KCNMA1: variants seen among roughly 807,000 people sequenced by gnomAD.
The protein encoded by KCNMA1 is potassium calcium-activated channel subfamily M alpha 1, also known as Calcium-activated potassium channel subunit alpha-1.
KCNMA1 carries 29 observed loss-of-function variants against 140.0 expected under a neutral mutation model. That is an observed-to-expected ratio of 0.21 (90% CI 0.15 to 0.28). KCNMA1 has a LOEUF of 0.28. Ranked by LOEUF, KCNMA1 falls within the 10% of genes least tolerant of loss-of-function variation. The pLI is 1.00. For missense variants in KCNMA1, 880 were observed against 1,602.2 expected, an observed-to-expected ratio of 0.55 and a Z score of 7.70; for synonymous variants, 612 against 611.9, an observed-to-expected ratio of 1.00 and a Z score of 0.00.
chr10:77,513,177 G>T (rs914189982), intron 1 of KCNMA1, among the ~76,000 whole-genome samples: 1 of 146,974 alleles, frequency 6.8e-6, no homozygotes, highest in African/African-American at 2.6e-5. Flanking sequence ...TCAGAGTGGC[G>T]TTTTTGCTGT....
intron 2 of KCNMA1, among the ~76,000 whole-genome samples, chr10:77,279,748 G>T (rs1197654715): frequency 6.6e-6 from 1 of 152,070 alleles, no homozygotes; most frequent in Non-Finnish European, 1.5e-5. Context: ...AAATCATGGG[G>T]CAGGTCTTTC....
intron 1 of KCNMA1, among the ~76,000 whole-genome samples, chr10:77,481,117 CAA>C (rs200776955): frequency 3.2e-4 from 42 of 132,062 alleles, no homozygotes; most frequent in South Asian, 4.7e-4. Flanking sequence ...GACTCCATCT[CAA>C]AAAAAAAAAA....
intron 2 of KCNMA1, among the ~76,000 whole-genome samples, chr10:77,276,794 A>C (rs2066809771): frequency 6.6e-6 from 1 of 152,172 alleles, no homozygotes; most frequent in East Asian, 1.9e-4. Flanking sequence ...ATAAATGAAT[A>C]ATACTATAAA....
intron 1 of KCNMA1, among the ~76,000 whole-genome samples, chr10:77,444,430 T>C (rs990638086): frequency 6.6e-6 from 1 of 152,212 alleles, no homozygotes; most frequent in African/African-American, 2.4e-5. Flanking sequence ...CCAGATGAAG[T>C]ACGGTGTAGG....
chr10:77,485,571 C>T (rs2098450808), intron 1 of KCNMA1, among the ~76,000 whole-genome samples: 1 of 152,224 alleles, frequency 6.6e-6, no homozygotes, highest in Non-Finnish European at 1.5e-5. Flanking sequence ...GTAAGGATGG[C>T]TCAGCCAAAG....
chr10:77,368,576 G>A (rs2094500842), intron 2 of KCNMA1, among the ~76,000 whole-genome samples: 1 of 152,024 alleles, frequency 6.6e-6, no homozygotes, highest in Non-Finnish European at 1.5e-5. Flanking sequence ...TTTCTTTTGT[G>A]AATCATCTTT....
At chr10:77,440,787 A>G (rs2097379376) in intron 1 of KCNMA1, among the ~76,000 whole-genome samples, 1 of 152,148 alleles carries the variant, frequency 6.6e-6, no homozygotes, top group Non-Finnish European at 1.5e-5. Context: ...TAGGGCAGAA[A>G]GCATTCCAGC....
At chr10:77,546,221 T>C (rs970039169) in intron 1 of KCNMA1, among the ~76,000 whole-genome samples, 2 of 152,150 alleles carry the variant, frequency 1.3e-5, no homozygotes, top group African/African-American at 4.8e-5. Context: ...ACTTTCTGCA[T>C]AAGTGAGAGA....
chr10:77,225,422 C>T (rs1031380278), intron 3 of KCNMA1, among the ~76,000 whole-genome samples: 2 of 152,128 alleles, frequency 1.3e-5, no homozygotes, highest in Non-Finnish European at 2.9e-5. Context: ...TCTCCACCTG[C>T]CCCAGGGGAC....
chr10:77,001,652 G>T, intron 18 of KCNMA1, 72 bp from the exon 19 acceptor site: 1 of 1,292,554 alleles, frequency 7.7e-7, no homozygotes, highest in Non-Finnish European at 1.1e-6. Context: ...CAGCAAGGCA[G>T]CTGGAAGGGA....
Position 77,493,710 on chromosome 10 carries a change from C to T in KCNMA1, c.379-89687G>A, listed in dbSNP as rs149334424. ...AGCCGTGCAGCTGCAGGGAAGAGAG[C>T]ATCTCTTTCCCCAGTGGCTCATGGT... On this transcript the variant is annotated intron_variant, in intron 1 of 27. Coordinates refer to ENST00000286628, the MANE Select transcript of KCNMA1 (RefSeq NM_001161352.2). 3.9e-5 allele frequency: 6 copies of T among 152,330 alleles called. No individual in the cohort carries two copies. The East Asian group carries it at 1.2e-3, about 29-fold the overall frequency. The allele number at this position is 152,330 out of a possible 1,614,324, so 9.4% of individuals were successfully genotyped here.
chr10:77,310,088 T>TG (rs1041500084), intron 2 of KCNMA1, among the ~76,000 whole-genome samples: 7 of 152,118 alleles, frequency 4.6e-5, no homozygotes, highest in African/African-American at 1.7e-4. Context: ...ATTGAAGGCA[T>TG]GGGGGGACAT....
chr10:76,876,728 G>A (rs1217283134), downstream of KCNMA1: 1 of 152,158 alleles, frequency 6.6e-6, no homozygotes, highest in African/African-American at 2.4e-5. Context: ...TCAGTGAGAA[G>A]AATGACTGCC....
intron 19 of KCNMA1, among the ~76,000 whole-genome samples, chr10:76,979,100 T>C (rs1424796548): frequency 6.6e-6 from 1 of 152,162 alleles, no homozygotes; most frequent in East Asian, 1.9e-4. Flanking sequence ...CAAAGGTGTT[T>C]GAGGTACTGG....
intron 23 of KCNMA1, among the ~76,000 whole-genome samples, chr10:76,922,177 G>C (rs1309536446): frequency 6.6e-6 from 1 of 152,172 alleles, no homozygotes; most frequent in Non-Finnish European, 1.5e-5. Context: ...TGCCTCTTCA[G>C]CAATCATTCT....
In KCNMA1 at chr10:76,877,953, G is replaced by A; in HGVS notation, c.3428-63C>T. On this transcript the variant is annotated intron_variant, in intron 29 of 29. Transcript: ENST00000372403. ...AAATGAGAAGTTTAATTAGTCCTAG[G>A]GTAAAGCCTTTGGAAAGTTCATTGA... is the stretch of plus-strand genomic sequence containing the variant. The A allele has an allele frequency of 3.3e-6, 5 of 1,519,852 alleles. No individual in the cohort carries two copies. In the South Asian group the frequency reaches 4.7e-5, roughly 14 times the overall value. 94.1% of individuals were successfully genotyped at this position (1,519,852 alleles called of 1,614,324 possible). A position where few individuals can be genotyped will look rare whatever the true frequency, so the allele number is the denominator to read the frequency against.
At chr10:77,260,943 G>A (rs1365999410) in intron 2 of KCNMA1, among the ~76,000 whole-genome samples, 3 of 152,156 alleles carry the variant, frequency 2.0e-5, no homozygotes, top group South Asian at 2.1e-4. Context: ...AAATGCCAAC[G>A]TTCCAATAAT....
At chr10:77,590,529 G>A (rs528559207) in intron 1 of KCNMA1, among the ~76,000 whole-genome samples, 3 of 152,318 alleles carry the variant, frequency 2.0e-5, no homozygotes, top group Admixed American at 1.3e-4. Flanking sequence ...GCGCTGGCCC[G>A]CAAGCACCGC....
chr10:77,580,072 G>A (rs547968297), intron 1 of KCNMA1, among the ~76,000 whole-genome samples: 1 of 152,186 alleles, frequency 6.6e-6, no homozygotes, highest in South Asian at 2.1e-4. Flanking sequence ...TCTACAATAA[G>A]ATTATAGTAT....
Sources: allele counts gnomAD v4.1 joint callset (sites outside exome capture counted in the v4.1 genomes callset), GRCh38; gene constraint gnomAD v4.1.1; transcripts MANE v1.5; gene names NCBI Gene and HGNC (gene_info 2026-07-23, HGNC 2026-07-21).